The following TCF7L1 variants were observed in gnomAD, a reference collection of about 807,000 sequenced individuals.
The protein encoded by TCF7L1 is transcription factor 7-like 1.
A neutral mutation model predicts 63.7 loss-of-function variants in TCF7L1; 18 were observed. The ratio of observed to expected loss-of-function variants is 0.28; its 90% CI spans 0.20 to 0.42. TCF7L1 has a LOEUF of 0.42. TCF7L1 is among the 10% of genes least tolerant of loss of function. The pLI is 1.00. For missense variants in TCF7L1, 654 were observed against 779.3 expected (o/e 0.84, Z 1.91); for synonymous variants, 355 against 340.9 (o/e 1.04, Z -0.46).
intron 3 of TCF7L1, among the ~76,000 whole-genome samples, chr2:85,233,513 A>C (rs192081517): frequency 1.5e-4 from 22 of 151,234 alleles, no homozygotes; most frequent in African/African-American, 5.3e-4. Context: ...ATAGGGTTTC[A>C]CCATGTTGGC....
At chr2:85,281,786 A>C (rs1042357091) in intron 3 of TCF7L1, among the ~76,000 whole-genome samples, 2 of 152,044 alleles carry the variant, frequency 1.3e-5, no homozygotes, top group African/African-American at 4.8e-5. Context: ...GTGTGACCTT[A>C]AGTTGTTGTT....
At chr2:85,266,176 A>G (rs1204202403) in intron 3 of TCF7L1, among the ~76,000 whole-genome samples, 1 of 152,252 alleles carries the variant, frequency 6.6e-6, no homozygotes, top group African/African-American at 2.4e-5. Flanking sequence ...GGCATTTAAT[A>G]TCTTTCAGCT....
At chr2:85,301,789 G>C (rs1267080971) in intron 4 of TCF7L1, among the ~76,000 whole-genome samples, 1 of 152,172 alleles carries the variant, frequency 6.6e-6, no homozygotes, top group Non-Finnish European at 1.5e-5. Flanking sequence ...ACTTGAACCT[G>C]AGAGCAACTG....
At position 85,133,796 on chromosome 2, in the gene TCF7L1, C is replaced by G; in HGVS notation, c.112C>G (p.Leu38Val). 7.0e-7 allele frequency: 1 copy of G among 1,426,454 alleles called. No homozygotes were observed. Among genetic ancestry groups the G allele is most frequent in the Non-Finnish European group, 9.2e-7 (1 of 1,086,058 alleles). The allele number at this position is 1,426,454 out of a possible 1,614,324, so 88.4% of individuals were successfully genotyped here. ...GGDDLGANDELIPFQDEGGEE... is the reference protein window; with the variant it reads ...GGDDLGANDEVIPFQDEGGEE... The stretch of plus-strand genomic sequence containing the variant: ...GGACGACCTCGGGGCGAACGACGAG[C>G]TGATCCCCTTCCAGGACGAGGGGGG... Residue 38 changes from leucine to valine, a missense_variant, in exon 1 of 12, where the codon CTG becomes GTG. Coordinates refer to ENST00000282111, the MANE Select transcript of TCF7L1 (RefSeq NM_031283.3). This position sits in a 1 kb window ranked among gnomAD's most constrained non-coding sequence, Gnocchi z 4.4.
rs1022115533 is a variant in TCF7L1 at position 85,243,833 on chromosome 2, G to A, written c.442-39662G>A. On this transcript the variant is annotated intron_variant, in intron 3 of 11. Coordinates refer to ENST00000282111, the MANE Select transcript of TCF7L1 (RefSeq NM_031283.3). Reference sequence around the variant, plus strand: ...TCACACGGCTCCCTGCAGAGTTGACGTTGGGAGCTGCCCTGCTAGCCACGG... The same window carrying A: ...TCACACGGCTCCCTGCAGAGTTGACATTGGGAGCTGCCCTGCTAGCCACGG... 1.4e-4 allele frequency among the ~76,000 whole-genome samples: 22 copies of A among 152,292 alleles called. No individual in the cohort carries two copies. The East Asian group carries it at 2.7e-3, about 19-fold the overall frequency.
At chr2:85,206,353 A>C (rs1679410092) in intron 3 of TCF7L1, among the ~76,000 whole-genome samples, 2 of 152,220 alleles carry the variant, frequency 1.3e-5, no homozygotes, top group South Asian at 4.1e-4. Context: ...TCACTGGGTT[A>C]GTGGTTTTAT....
At chr2:85,304,066 C>T (rs368855204) in intron 6 of TCF7L1, 69 bp downstream of exon 6, 26 of 1,352,852 alleles carry the variant, frequency 1.9e-5, no homozygotes, top group African/African-American at 7.1e-5. Flanking sequence ...GTGCCCTGCG[C>T]GCCCTGCACA....
At chr2:85,197,029 T>C (rs1399287518) in intron 3 of TCF7L1, among the ~76,000 whole-genome samples, 2 of 152,164 alleles carry the variant, frequency 1.3e-5, no homozygotes, top group Admixed American at 6.5e-5. Context: ...TCTGCCTAGG[T>C]TGGTGTTACC....
At chr2:85,149,183 G>A (rs1302853182) in intron 3 of TCF7L1, among the ~76,000 whole-genome samples, 1 of 152,086 alleles carries the variant, frequency 6.6e-6, no homozygotes, top group Non-Finnish European at 1.5e-5. Context: ...AATTTACATG[G>A]TTGTCAATTC....
intron 3 of TCF7L1, among the ~76,000 whole-genome samples, chr2:85,182,125 G>A (rs1346208851): frequency 6.6e-6 from 1 of 152,140 alleles, no homozygotes; most frequent in Non-Finnish European, 1.5e-5. Context: ...CGGTTGGAGA[G>A]GAAAAGCAAA....
chr2:85,245,242 A>G (rs1389274608), intron 3 of TCF7L1, among the ~76,000 whole-genome samples: 1 of 152,162 alleles, frequency 6.6e-6, no homozygotes, highest in Non-Finnish European at 1.5e-5. Context: ...TGGTGTAATC[A>G]ATGGTTTGGT....
intron 3 of TCF7L1, among the ~76,000 whole-genome samples, chr2:85,217,976 T>G (rs1302079647): frequency 6.6e-6 from 1 of 152,184 alleles, no homozygotes; most frequent in African/African-American, 2.4e-5. Flanking sequence ...AAATAATTTT[T>G]TTCTTTTTTG....
chr2:85,269,125 C>G (rs1037659818), intron 3 of TCF7L1, among the ~76,000 whole-genome samples: 1 of 152,070 alleles, frequency 6.6e-6, no homozygotes, highest in East Asian at 1.9e-4. Flanking sequence ...ACCTTTGAGT[C>G]TGTGTGCAGA....
In TCF7L1 at chr2:85,278,346, G is replaced by A. The variant is rs140473235; in HGVS notation, c.442-5149G>A. On this transcript the variant is annotated intron_variant, in intron 3 of 11. Transcript: ENST00000282111. The stretch of plus-strand genomic sequence containing the variant: ...CACAAGGACACTGATGGCAACACTC[G>A]ATAAAGATGTCACCCAAAGAAAAGA... Among the ~76,000 whole-genome samples, 31 of 152,284 alleles carry A rather than the reference G, an allele frequency of 2.0e-4. No individual in the cohort carries two copies. In the East Asian group the frequency reaches 3.1e-3, roughly 15 times the overall value.
intron 3 of TCF7L1, among the ~76,000 whole-genome samples, chr2:85,276,086 C>G (rs1441870888): frequency 6.6e-6 from 1 of 152,074 alleles, no homozygotes. Context: ...TACTTTTGCC[C>G]CTGGAACTCT....
At chr2:85,189,961 G>A (rs1679009200) in intron 3 of TCF7L1, among the ~76,000 whole-genome samples, 1 of 152,246 alleles carries the variant, frequency 6.6e-6, no homozygotes, top group South Asian at 2.1e-4. Flanking sequence ...CCTCTGGAAG[G>A]GAGGGGTGGG....
chr2:85,157,073 A>G (rs1461053028), intron 3 of TCF7L1, among the ~76,000 whole-genome samples: 1 of 152,234 alleles, frequency 6.6e-6, no homozygotes, highest in African/African-American at 2.4e-5. Context: ...ACATATACAC[A>G]TATTATATAT....
At position 85,306,855 on chromosome 2, in the gene TCF7L1, G is replaced by A. The variant is rs1404892479; in HGVS notation, c.1257+296G>A. Among the ~76,000 whole-genome samples the A allele has an allele frequency of 6.6e-6, 1 of 151,874 alleles. No individual in the cohort carries two copies. Among genetic ancestry groups the A allele is most frequent in the African/African-American group, 2.4e-5 (1 of 41,242 alleles). On this transcript the variant is annotated intron_variant, in intron 10 of 11. Transcript: ENST00000282111. The surrounding 1 kb of genome is among the most constrained non-coding windows in gnomAD (Gnocchi z 4.3). ...AATTTTTTGTATTTTTAGTAGAGAC[G>A]GGGTTTCACTGTGTTAACCAGGATG...
At chr2:85,211,662 G>C (rs1431747184) in intron 3 of TCF7L1, among the ~76,000 whole-genome samples, 1 of 152,226 alleles carries the variant, frequency 6.6e-6, no homozygotes, top group Non-Finnish European at 1.5e-5. Flanking sequence ...GGCCACAGCA[G>C]GGGAGACCCC....
Sources: gnomAD v4.1 joint callset for allele counts (sites outside exome capture counted in the v4.1 genomes callset) on GRCh38, gnomAD v4.1.1 for gene constraint, Gnocchi (gnomAD v3.1) non-coding constraint, MANE v1.5 for transcripts, NCBI Gene and HGNC (gene_info 2026-07-23, HGNC 2026-07-21) for gene names.